SENP2: variants seen among roughly 807,000 people sequenced by gnomAD.
The protein encoded by SENP2 is SUMO specific peptidase 2, also known as sentrin-specific protease 2.
In SENP2, 16 loss-of-function variants were observed where a neutral mutation model predicts 86.3. The observed-to-expected ratio is 0.19, with a 90% CI of 0.13 to 0.28. The LOEUF is 0.28. Ranked by LOEUF, SENP2 falls within the 10% of genes least tolerant of loss-of-function variation. The pLI is 1.00. For missense variants in SENP2, 552 were observed against 703.0 expected, an observed-to-expected ratio of 0.79 and a Z score of 2.43; for synonymous variants, 222 against 238.7, an observed-to-expected ratio of 0.93 and a Z score of 0.64.
At chr3:185,629,677 A>AAG in intron 16 of SENP2, 105 bp from the exon 17 acceptor site, 1 of 1,115,872 alleles carries the variant, frequency 9.0e-7, no homozygotes. Flanking sequence ...CAACACTTAG[A>AAG]AAAAGCACAT....
intron 13 of SENP2, among the ~76,000 whole-genome samples, chr3:185,621,395 T>TC (rs986668636): frequency 7.5e-6 from 1 of 133,838 alleles, no homozygotes; most frequent in Non-Finnish European, 1.6e-5. Context: ...TCTTTTTTTT[T>TC]TTTTTTTTTT....
At chr3:185,606,691 A>G in intron 6 of SENP2, 193 bp downstream of exon 6, 1 of 569,456 alleles carries the variant, frequency 1.8e-6, no homozygotes, top group Non-Finnish European at 3.1e-6. Context: ...GCCCAGGCAG[A>G]CTTTGAGGGG....
Position 185,619,458 on chromosome 3 carries a change from A to G in SENP2, c.1402A>G (p.Ile468Val). 6.2e-7 allele frequency: 1 copy of G among 1,614,152 alleles called. No individual in the cohort carries two copies. The highest frequency in any genetic ancestry group is 8.5e-7 in the Non-Finnish European group (1 of 1,180,020). ...AGGGGTAAATCTCTTTGAACAAGAA[A>G]TTATTCTGGTGCCTATTCATCGGAA... Reference protein sequence around the residue: ...TKGVNLFEQEIILVPIHRKVH... With the variant: ...TKGVNLFEQEVILVPIHRKVH... Residue 468 changes from isoleucine (I) to valine (V), a missense_variant, in exon 13 of 17, where the codon ATT becomes GTT. Transcript: ENST00000296257.
chr3:185,618,547 G>GA (rs1272892263), intron 12 of SENP2, among the ~76,000 whole-genome samples: 1 of 152,030 alleles, frequency 6.6e-6, no homozygotes, highest in African/African-American at 2.4e-5. Flanking sequence ...AGAATATTTG[G>GA]AAAATACAGG....
At chr3:185,623,304 C>A (rs529634849) in intron 14 of SENP2, among the ~76,000 whole-genome samples, 4 of 151,422 alleles carry the variant, frequency 2.6e-5, no homozygotes, top group South Asian at 4.2e-4. Flanking sequence ...CCACGCCCGG[C>A]TAATTTTGTA....
At chr3:185,609,140 T>C (rs778940987) in intron 6 of SENP2, 107 bp from the exon 7 acceptor site, 14 of 683,516 alleles carry the variant, frequency 2.0e-5, no homozygotes, top group Non-Finnish European at 3.4e-5. Flanking sequence ...CAAAGAAATA[T>C]TAAAAACATA....
chr3:185,609,583 C>A (rs1256395157), intron 7 of SENP2, among the ~76,000 whole-genome samples: 1 of 151,928 alleles, frequency 6.6e-6, no homozygotes, highest in East Asian at 1.9e-4. Flanking sequence ...TTACTTGAAA[C>A]TCTTATATTA....
intron 3 of SENP2, 35 bp from the exon 4 acceptor site, chr3:185,598,923 T>G (rs760878949): frequency 1.9e-6 from 3 of 1,541,798 alleles, no homozygotes; most frequent in South Asian, 2.3e-5. Context: ...TGACAAAATT[T>G]AGATGCTACA....
At chr3:185,627,262 T>TACATA (rs1712193443) in intron 16 of SENP2, among the ~76,000 whole-genome samples, 3 of 152,140 alleles carry the variant, frequency 2.0e-5, no homozygotes, top group Admixed American at 2.0e-4. Context: ...CATTCATTGG[T>TACATA]TCCTGTGTAT....
At chr3:185,594,259 G>A (rs1218806226) in intron 2 of SENP2, among the ~76,000 whole-genome samples, 4 of 151,958 alleles carry the variant, frequency 2.6e-5, no homozygotes, top group Non-Finnish European at 5.9e-5. Flanking sequence ...CTATGTTAAG[G>A]ATCACTTATT....
intron 2 of SENP2, among the ~76,000 whole-genome samples, chr3:185,593,308 CTA>C (rs1722068699): frequency 6.6e-6 from 1 of 152,054 alleles, no homozygotes; most frequent in Non-Finnish European, 1.5e-5. Context: ...CAGGGTCTTG[CTA>C]TATTGCTCAG....
Position 185,609,277 on chromosome 3 carries a change from C to G in SENP2, c.649C>G (p.Arg217Gly). ...TCAAAAAGAGGAAAGAGAGAAGTAC[C>G]GAAAGTTATTGGAACGACTTAAAGA... ...GVQKEEREKY[R>G]KLLERLKESG... Residue 217 changes from arginine (R) to glycine (G), a missense_variant, in exon 7 of 17, where the codon CGA becomes GGA. Coordinates refer to ENST00000296257, the MANE Select transcript of SENP2 (RefSeq NM_021627.3). 6.2e-7 allele frequency: 1 copy of G among 1,613,304 alleles called. No homozygotes were observed.
intron 15 of SENP2, 42 bp downstream of exon 15, chr3:185,624,124 T>G (rs1478689983): frequency 5.8e-6 from 8 of 1,380,424 alleles, no homozygotes; most frequent in Admixed American, 1.7e-5. Context: ...TGGTTGCATT[T>G]ACTAATAGTA....
At chr3:185,611,263 C>T (rs1330927661) in intron 7 of SENP2, among the ~76,000 whole-genome samples, 4 of 152,260 alleles carry the variant, frequency 2.6e-5, no homozygotes, top group Non-Finnish European at 4.4e-5. Flanking sequence ...GGCGACAGTG[C>T]GAGACTCCGT....
intron 2 of SENP2, among the ~76,000 whole-genome samples, chr3:185,597,213 AGT>A (rs376119566): frequency 9.7e-4 from 146 of 150,850 alleles, no homozygotes; most frequent in African/African-American, 3.3e-3. Context: ...GAACATTTTG[AGT>A]GTGTGTGTGT....
chr3:185,590,814 A>T (rs140735327), intron 2 of SENP2, among the ~76,000 whole-genome samples: 40,044 of 116,470 alleles, frequency 0.34, 7,377 homozygotes, highest in South Asian at 0.5. Flanking sequence ...TGAGCCAAGA[A>T]TCTGCTACTG....
chr3:185,587,971 C>T (rs1338300378), intron 1 of SENP2, among the ~76,000 whole-genome samples: 2 of 149,286 alleles, frequency 1.3e-5, no homozygotes, highest in Non-Finnish European at 3.0e-5. Flanking sequence ...GAACTCCTGA[C>T]CTCGTGATCC....
Position 185,586,534 on chromosome 3 carries a change from A to G in SENP2, c.101+20A>G, listed in dbSNP as rs1721788216. 1 of 1,604,726 alleles carries G rather than the reference A, an allele frequency of 6.2e-7. No homozygotes were observed. ...AGACAGGTGAGACGAGAGGGGGCTG[A>G]GCGCCAGCCTGGCCTTACCCCCTCC... On this transcript the variant is annotated intron_variant, in intron 1 of 16. Coordinates refer to ENST00000296257, the MANE Select transcript of SENP2 (RefSeq NM_021627.3). The surrounding 1 kb of genome is among the most constrained non-coding windows in gnomAD (Gnocchi z 4.3).
chr3:185,606,254 G>A (rs1368800378), intron 5 of SENP2, 76 bp from the exon 6 acceptor site: 39 of 1,354,180 alleles, frequency 2.9e-5, no homozygotes, highest in Non-Finnish European at 3.7e-5. Context: ...TTAATCACAG[G>A]ATGGTCTGGG....
Sources: gnomAD v4.1 joint callset for allele counts (sites outside exome capture counted in the v4.1 genomes callset) on GRCh38, gnomAD v4.1.1 for gene constraint, Gnocchi (gnomAD v3.1) non-coding constraint, MANE v1.5 for transcripts, NCBI Gene and HGNC (gene_info 2026-07-23, HGNC 2026-07-21) for gene names.